KCNQ5: variants seen among roughly 807,000 people sequenced by gnomAD.
KCNQ5 encodes potassium voltage-gated channel subfamily Q member 5.
In KCNQ5, 30 loss-of-function variants were observed where a neutral mutation model predicts 98.2. The ratio of observed to expected loss-of-function variants is 0.31; its 90% CI spans 0.23 to 0.41. The LOEUF (loss-of-function observed/expected upper bound fraction) is 0.41, where lower values mean the gene tolerates loss of function less well. Ranked by LOEUF, KCNQ5 falls within the 10% of genes least tolerant of loss-of-function variation. The pLI is 1.00. For synonymous variants in KCNQ5, 458 were observed against 449.4 expected, an observed-to-expected ratio of 1.02 and a Z score of -0.24; for missense variants, 835 against 1,182.5, an observed-to-expected ratio of 0.71 and a Z score of 4.31.
intron 10 of KCNQ5, among the ~76,000 whole-genome samples, chr6:73,145,381 T>C (rs1776881657): frequency 6.6e-6 from 1 of 152,264 alleles, no homozygotes; most frequent in South Asian, 2.1e-4. Flanking sequence ...TGTTCTACCA[T>C]GCATGCTGCT....
At chr6:72,905,722 G>C (rs1258932050) in intron 1 of KCNQ5, among the ~76,000 whole-genome samples, 1 of 152,142 alleles carries the variant, frequency 6.6e-6, no homozygotes, top group Non-Finnish European at 1.5e-5. Context: ...ACTGTGGGTT[G>C]TCTGCATGGA....
chr6:72,997,434 A>G (rs140912054), intron 1 of KCNQ5, among the ~76,000 whole-genome samples: 83 of 152,152 alleles, frequency 5.5e-4, no homozygotes, highest in African/African-American at 2.0e-3. Context: ...CCACATGTAA[A>G]ATGCAATATT....
At chr6:72,868,053 G>A (rs1358617280) in intron 1 of KCNQ5, among the ~76,000 whole-genome samples, 1 of 152,098 alleles carries the variant, frequency 6.6e-6, no homozygotes, top group Non-Finnish European at 1.5e-5. Flanking sequence ...GAACAGACCA[G>A]GGCCAATCCG....
chr6:72,904,830 T>C (rs1049940603), intron 1 of KCNQ5, among the ~76,000 whole-genome samples: 11 of 152,208 alleles, frequency 7.2e-5, no homozygotes, highest in African/African-American at 2.7e-4. Flanking sequence ...TTCATTTAGA[T>C]AACCTGATGA....
At chr6:73,180,693 G>A (rs1778376670) in intron 11 of KCNQ5, among the ~76,000 whole-genome samples, 1 of 152,144 alleles carries the variant, frequency 6.6e-6, no homozygotes, top group Admixed American at 6.5e-5. Flanking sequence ...TAAAATCTTT[G>A]GACCATGCCC....
chr6:72,744,661 A>G (rs1771290019), intron 1 of KCNQ5, among the ~76,000 whole-genome samples: 1 of 152,060 alleles, frequency 6.6e-6, no homozygotes, highest in Non-Finnish European at 1.5e-5. Context: ...AAATACAAAA[A>G]TTAACTGGGT....
chr6:72,662,604 C>CTT (rs35194114), intron 1 of KCNQ5, among the ~76,000 whole-genome samples: 2,009 of 148,882 alleles, frequency 0.013, 29 homozygotes, highest in African/African-American at 0.042. Context: ...TTGGAAATAA[C>CTT]TTTTTTTTTT....
intron 11 of KCNQ5, among the ~76,000 whole-genome samples, chr6:73,176,252 C>A (rs1342251871): frequency 1.3e-5 from 2 of 152,174 alleles, no homozygotes. Flanking sequence ...TTCCCCCTTG[C>A]TGTTCTCATA....
chr6:72,987,731 T>C (rs1768863656), intron 1 of KCNQ5: 2 of 533,186 alleles, frequency 3.8e-6, no homozygotes, highest in Non-Finnish European at 6.8e-6. Flanking sequence ...GCTTCCAAGT[T>C]AGCCAAGCTG....
intron 1 of KCNQ5, among the ~76,000 whole-genome samples, chr6:72,883,627 A>G (rs1562045076): frequency 6.6e-6 from 1 of 152,214 alleles, no homozygotes; most frequent in Non-Finnish European, 1.5e-5. Flanking sequence ...GTGAGAGATA[A>G]CATCAGAAAG....
rs529488853 is a variant in KCNQ5 at position 73,075,472 on chromosome 6, T to C, written c.617-1850T>C. ...TCCTGACCTCATGATCCGCCCACCT[T>C]GGCCTCCCAAAGTGCTGGGATTACA... On this transcript the variant is annotated intron_variant, in intron 3 of 13. Transcript: ENST00000370398. Among the ~76,000 whole-genome samples the C allele has an allele frequency of 8.9e-4, 135 of 152,212 alleles. 1 individual carries two copies. The highest frequency in any genetic ancestry group is 2.1e-3 in the African/African-American group (89 of 41,558).
chr6:72,947,165 G>C (rs1235759206), intron 1 of KCNQ5, among the ~76,000 whole-genome samples: 1 of 152,042 alleles, frequency 6.6e-6, no homozygotes, highest in Non-Finnish European at 1.5e-5. Flanking sequence ...GATGTACAGG[G>C]GGAAAAGGTA....
At chr6:72,653,987 G>T (rs1316184878) in intron 1 of KCNQ5, among the ~76,000 whole-genome samples, 1 of 151,958 alleles carries the variant, frequency 6.6e-6, no homozygotes. Context: ...CTATGTACAG[G>T]ACTTAACCTA....
At chr6:73,029,699 C>G (rs1425204512) in intron 2 of KCNQ5, among the ~76,000 whole-genome samples, 2 of 151,322 alleles carry the variant, frequency 1.3e-5, no homozygotes, top group South Asian at 2.1e-4. Flanking sequence ...TTTGGGAGGC[C>G]GAGGCAGGTG....
intron 1 of KCNQ5, among the ~76,000 whole-genome samples, chr6:72,676,884 T>C (rs1313048173): frequency 1.3e-5 from 2 of 152,154 alleles, no homozygotes; most frequent in Non-Finnish European, 2.9e-5. Context: ...AAAGCAGTGT[T>C]TTTGGATAAC....
intron 1 of KCNQ5, among the ~76,000 whole-genome samples, chr6:72,956,756 C>G (rs1356589626): frequency 3.3e-5 from 5 of 151,650 alleles, no homozygotes. Context: ...ATGTATTCAA[C>G]AGATTAAAAC....
At chr6:73,096,230 A>C (rs1040855195) in intron 5 of KCNQ5, among the ~76,000 whole-genome samples, 7 of 150,626 alleles carry the variant, frequency 4.6e-5, no homozygotes, top group Non-Finnish European at 7.4e-5. Context: ...AAATTAGGTG[A>C]TCTGGGATGG....
intron 1 of KCNQ5, among the ~76,000 whole-genome samples, chr6:72,986,158 A>C (rs933566694): frequency 2.0e-5 from 3 of 152,186 alleles, no homozygotes; most frequent in Non-Finnish European, 4.4e-5. Context: ...TGAACCCAGC[A>C]GGCAGAAGTT....
intron 1 of KCNQ5, among the ~76,000 whole-genome samples, chr6:72,824,026 A>G (rs1319156035): frequency 6.6e-6 from 1 of 152,140 alleles, no homozygotes; most frequent in African/African-American, 2.4e-5. Flanking sequence ...ATTAATATTA[A>G]TAAGTACCAT....
Sources: gnomAD v4.1 joint callset for allele counts (sites outside exome capture counted in the v4.1 genomes callset) on GRCh38, gnomAD v4.1.1 for gene constraint, MANE v1.5 for transcripts, NCBI Gene and HGNC (gene_info 2026-07-23, HGNC 2026-07-21) for gene names.